Variants in PPP1R13B observed in about 807,000 individuals in gnomAD.
The protein encoded by PPP1R13B is apoptosis-stimulating of p53 protein 1.
PPP1R13B carries 44 observed loss-of-function variants against 119.8 expected under a neutral mutation model. The ratio of observed to expected loss-of-function variants is 0.37; its 90% CI spans 0.29 to 0.47. PPP1R13B has a LOEUF of 0.47. Ranked by LOEUF, PPP1R13B falls within the 20% of genes least tolerant of loss-of-function variation. The pLI is 0.99. For synonymous variants in PPP1R13B, 542 were observed against 561.5 expected (o/e 0.97, Z 0.49); for missense variants, 1,227 against 1,413.5 (o/e 0.87, Z 2.12).
intron 1 of PPP1R13B, among the ~76,000 whole-genome samples, chr14:103,817,081 A>G (rs2086298382): frequency 6.6e-6 from 1 of 152,244 alleles, no homozygotes. Context: ...AAAATTAAGC[A>G]AAAGCGAAGT....
intron 1 of PPP1R13B, among the ~76,000 whole-genome samples, chr14:103,810,123 T>C (rs935188246): frequency 6.6e-6 from 1 of 151,228 alleles, no homozygotes; most frequent in Admixed American, 6.6e-5. Context: ...CGCGCCCAGC[T>C]GTCTCAAAAT....
At chr14:103,844,955 T>A (rs1011958080) in intron 1 of PPP1R13B, among the ~76,000 whole-genome samples, 1 of 152,200 alleles carries the variant, frequency 6.6e-6, no homozygotes, top group African/African-American at 2.4e-5. Context: ...AAAAAATGTA[T>A]AATATCTCAT....
chr14:103,844,747 A>C (rs2086990523), intron 1 of PPP1R13B, among the ~76,000 whole-genome samples: 1 of 152,140 alleles, frequency 6.6e-6, no homozygotes, highest in Non-Finnish European at 1.5e-5. Context: ...AAAAGAAAAA[A>C]GTTACCACGA....
At chr14:103,764,969 C>T (rs888861422) in intron 4 of PPP1R13B, among the ~76,000 whole-genome samples, 23 of 152,200 alleles carry the variant, frequency 1.5e-4, no homozygotes, top group Middle Eastern at 3.2e-3. Flanking sequence ...CAGACGCCCG[C>T]CACCACGCCC....
At chr14:103,832,767 G>A (rs1419163983) in intron 1 of PPP1R13B, among the ~76,000 whole-genome samples, 1 of 152,182 alleles carries the variant, frequency 6.6e-6, no homozygotes, top group African/African-American at 2.4e-5. Context: ...AGAATCACCA[G>A]AGGTCAGAGT....
intron 4 of PPP1R13B, among the ~76,000 whole-genome samples, chr14:103,762,548 C>A (rs565852021): frequency 6.7e-6 from 1 of 148,256 alleles, no homozygotes; most frequent in Non-Finnish European, 1.5e-5. Context: ...TGTATACATA[C>A]GTAACAAACC....
rs34006253 is a variant in PPP1R13B at position 103,760,388 on chromosome 14, A to T, written c.355-2637T>A. On this transcript the variant is annotated intron_variant, in intron 4 of 16. Transcript: ENST00000202556. ...TTCATTGATTGCATCTAATAAGAAG[A>T]AGTCAAACCCTGTTCCCTCAGGCAA... Among the ~76,000 whole-genome samples, 760 of 152,316 alleles carry T rather than the reference A, an allele frequency of 5.0e-3. 6 individuals carry two copies. Among genetic ancestry groups the T allele is most frequent in the African/African-American group, 0.017 (722 of 41,554 alleles).
At position 103,741,780 on chromosome 14, in the gene PPP1R13B, C is replaced by G; in HGVS notation, c.1822+10G>C. ...AGCCCCAAGAAAAGGAGAGTATAAA[C>G]CCACTCTACCTGCTTTAACTGACTT... On this transcript the variant is annotated intron_variant, in intron 11 of 16. Transcript: ENST00000202556. The G allele has an allele frequency of 6.2e-7, 1 of 1,610,274 alleles. No individual in the cohort carries two copies.
chr14:103,846,986 GC>G, intron 1 of PPP1R13B: 2 of 1,184,494 alleles, frequency 1.7e-6, no homozygotes, highest in East Asian at 1.2e-4. Context: ...CCAGACCTGT[GC>G]CCCAGCGTCC....
chr14:103,807,006 T>C (rs2086032481), intron 1 of PPP1R13B, among the ~76,000 whole-genome samples: 4 of 152,082 alleles, frequency 2.6e-5, no homozygotes, highest in African/African-American at 4.8e-5. Flanking sequence ...AATTTCAAAG[T>C]CCTAACTATT....
At chr14:103,835,420 C>G (rs926542050) in intron 1 of PPP1R13B, among the ~76,000 whole-genome samples, 2 of 149,756 alleles carry the variant, frequency 1.3e-5, no homozygotes, top group African/African-American at 2.5e-5. Context: ...CCACTGCGCC[C>G]AGCACTTTTT....
intron 4 of PPP1R13B, among the ~76,000 whole-genome samples, chr14:103,766,728 C>T (rs908137513): frequency 1.8e-4 from 28 of 152,162 alleles, no homozygotes; most frequent in African/African-American, 6.3e-4. Context: ...CTGCCTCAGC[C>T]TCCCAAGTAG....
chr14:103,810,888 A>C (rs2152058120), intron 1 of PPP1R13B, among the ~76,000 whole-genome samples: 1 of 151,602 alleles, frequency 6.6e-6, no homozygotes, highest in Non-Finnish European at 1.5e-5. Flanking sequence ...CAGGAGTTCA[A>C]GACCAGCCTG....
chr14:103,817,332 T>C (rs558777967), intron 1 of PPP1R13B, among the ~76,000 whole-genome samples: 2 of 152,106 alleles, frequency 1.3e-5, no homozygotes, highest in Non-Finnish European at 2.9e-5. Context: ...CATTGTTCAA[T>C]AACAACTGTA....
At chr14:103,746,103 G>A (rs1453022636) in intron 9 of PPP1R13B, among the ~76,000 whole-genome samples, 1 of 152,224 alleles carries the variant, frequency 6.6e-6, no homozygotes, top group African/African-American at 2.4e-5. Flanking sequence ...ACTGCACCCG[G>A]CCCATGGATC....
intron 1 of PPP1R13B, chr14:103,846,728 T>A (rs2087046633): frequency 2.2e-6 from 1 of 456,010 alleles, no homozygotes; most frequent in Non-Finnish European, 4.4e-6. Context: ...ACGAACCTCG[T>A]TCAACCTTCA....
chr14:103,754,642 C>T (rs2084631865), intron 5 of PPP1R13B, among the ~76,000 whole-genome samples: 1 of 150,166 alleles, frequency 6.7e-6, no homozygotes, highest in Non-Finnish European at 1.5e-5. Context: ...GAGTATTCTA[C>T]AGTATCACTC....
chr14:103,847,582 C>T (rs989177004), upstream of PPP1R13B: 4 of 986,278 alleles, frequency 4.1e-6, no homozygotes, highest in Admixed American at 6.2e-5. Context: ...GCCTGCGGCC[C>T]GCCCGCCCGG....
chr14:103,792,604 AAAAT>A (rs906567777), intron 2 of PPP1R13B, among the ~76,000 whole-genome samples: 2 of 152,156 alleles, frequency 1.3e-5, no homozygotes, highest in South Asian at 2.1e-4. Flanking sequence ...GTCTCTACAA[AAAAT>A]AAATAAATAA....
Sources: allele counts gnomAD v4.1 joint callset (sites outside exome capture counted in the v4.1 genomes callset), GRCh38; gene constraint gnomAD v4.1.1; transcripts MANE v1.5; gene names NCBI Gene and HGNC (gene_info 2026-07-23, HGNC 2026-07-21).